Variants in LPP observed in about 807,000 individuals in gnomAD.
LPP encodes lipoma-preferred partner.
Under a neutral mutation model 60.4 loss-of-function variants are expected in LPP, and 38 were observed. The observed-to-expected ratio is 0.63, with a 90% CI of 0.49 to 0.83. The LOEUF (loss-of-function observed/expected upper bound fraction) is 0.83. LPP is among the 40% of genes least tolerant of loss of function. The probability of loss-of-function intolerance (pLI) is 0.00; values close to 1 mark genes in which losing one functional copy is unlikely to be tolerated. For synonymous variants in LPP, 328 were observed against 290.8 expected, an observed-to-expected ratio of 1.13 and a Z score of -1.30; for missense variants, 902 against 783.6, an observed-to-expected ratio of 1.15 and a Z score of -1.80.
At chr3:188,409,068 G>A (rs903683728) in intron 4 of LPP, among the ~76,000 whole-genome samples, 3 of 152,204 alleles carry the variant, frequency 2.0e-5, no homozygotes, top group South Asian at 4.1e-4. Context: ...ATGGTCAAAT[G>A]TATGTCTGTG....
intron 7 of LPP, among the ~76,000 whole-genome samples, chr3:188,701,713 G>A (rs1023264460): frequency 2.6e-5 from 4 of 151,514 alleles, no homozygotes; most frequent in African/African-American, 7.3e-5. Context: ...AAGCATATTA[G>A]CCACTAAATT....
intron 2 of LPP, among the ~76,000 whole-genome samples, chr3:188,266,320 C>G (rs1416779736): frequency 1.3e-5 from 2 of 152,168 alleles, no homozygotes; most frequent in Non-Finnish European, 2.9e-5. Flanking sequence ...TAGTTGAACG[C>G]ACAGAACTTG....
intron 3 of LPP, among the ~76,000 whole-genome samples, chr3:188,396,043 C>T (rs1223169674): frequency 6.6e-6 from 1 of 152,148 alleles, no homozygotes; most frequent in African/African-American, 2.4e-5. Flanking sequence ...ACACAGTTGA[C>T]AGTTTTGTGA....
At chr3:188,766,105 C>T (rs540194873) in intron 9 of LPP, among the ~76,000 whole-genome samples, 28 of 151,932 alleles carry the variant, frequency 1.8e-4, no homozygotes, top group Admixed American at 1.6e-3. Flanking sequence ...CTCCTGACCT[C>T]AGGTTATCCA....
At chr3:188,331,294 T>C (rs980766176) in intron 2 of LPP, among the ~76,000 whole-genome samples, 5 of 152,272 alleles carry the variant, frequency 3.3e-5, no homozygotes, top group African/African-American at 7.2e-5. Flanking sequence ...AAACCCAGAA[T>C]TGCAATGTCC....
chr3:188,212,380 A>G (rs1242422449), intron 1 of LPP, among the ~76,000 whole-genome samples: 1 of 152,158 alleles, frequency 6.6e-6, no homozygotes, highest in African/African-American at 2.4e-5. Context: ...TTCCTGGAAT[A>G]GGACAGTGTA....
intron 5 of LPP, among the ~76,000 whole-genome samples, chr3:188,523,694 T>C (rs547116565): frequency 3.3e-5 from 5 of 152,242 alleles, no homozygotes; most frequent in Non-Finnish European, 5.9e-5. Flanking sequence ...TTTACGTCCT[T>C]AGACAAGTCC....
intron 9 of LPP, among the ~76,000 whole-genome samples, chr3:188,858,267 G>C (rs1330456470): frequency 6.6e-6 from 1 of 152,112 alleles, no homozygotes; most frequent in Non-Finnish European, 1.5e-5. Flanking sequence ...CATAGTCTTA[G>C]TCTTCTCTGA....
intron 5 of LPP, among the ~76,000 whole-genome samples, chr3:188,513,067 C>T (rs1039296430): frequency 8.5e-5 from 13 of 152,064 alleles, no homozygotes; most frequent in Admixed American, 8.5e-4. Context: ...TTCTGTCTAC[C>T]AATTTTATTA....
At chr3:188,617,901 T>TA (rs1845152492) in intron 7 of LPP, among the ~76,000 whole-genome samples, 1 of 152,216 alleles carries the variant, frequency 6.6e-6, no homozygotes, top group Non-Finnish European at 1.5e-5. Context: ...GACATATTGA[T>TA]ATATTCCTTT....
intron 4 of LPP, among the ~76,000 whole-genome samples, chr3:188,407,191 T>A (rs1229195054): frequency 1.5e-5 from 2 of 135,120 alleles, no homozygotes; most frequent in Non-Finnish European, 3.5e-5. Context: ...ATTAAAAAAA[T>A]TATTAATATC....
chr3:188,169,606 A>G (rs1325476720), intron 1 of LPP, among the ~76,000 whole-genome samples: 4 of 152,200 alleles, frequency 2.6e-5, no homozygotes, highest in Non-Finnish European at 5.9e-5. Flanking sequence ...TATCTTTACC[A>G]TGGGATTTTG....
chr3:188,369,383 T>C (rs967458692), intron 3 of LPP, among the ~76,000 whole-genome samples: 1 of 152,092 alleles, frequency 6.6e-6, no homozygotes, highest in African/African-American at 2.4e-5. Context: ...ATATGGGTTC[T>C]AAGCTGCACC....
At chr3:188,789,383 GC>G (rs1742972889) in intron 9 of LPP, among the ~76,000 whole-genome samples, 2 of 152,184 alleles carry the variant, frequency 1.3e-5, no homozygotes, top group African/African-American at 4.8e-5. Context: ...CAGGGGGCTG[GC>G]CTTGAGCAGC....
At chr3:188,281,789 A>T (rs1742168982) in intron 2 of LPP, among the ~76,000 whole-genome samples, 3 of 152,100 alleles carry the variant, frequency 2.0e-5, no homozygotes, top group Non-Finnish European at 4.4e-5. Flanking sequence ...TCACATTTAT[A>T]TACCTGTAAA....
At chr3:188,406,993 T>C (rs1347844314) in intron 4 of LPP, among the ~76,000 whole-genome samples, 3 of 152,076 alleles carry the variant, frequency 2.0e-5, no homozygotes, top group Non-Finnish European at 4.4e-5. Context: ...GTATAAATGG[T>C]ACCATACTCT....
intron 3 of LPP, among the ~76,000 whole-genome samples, chr3:188,390,523 G>C (rs1779439750): frequency 6.6e-6 from 1 of 151,580 alleles, no homozygotes; most frequent in Admixed American, 6.6e-5. Flanking sequence ...TTACAGGTGA[G>C]GAAATTAAGG....
chr3:188,207,080 T>C (rs1733442030), intron 1 of LPP, among the ~76,000 whole-genome samples: 1 of 152,180 alleles, frequency 6.6e-6, no homozygotes, highest in South Asian at 2.1e-4. Flanking sequence ...TATTTATTTT[T>C]CACTCTGCTT....
intron 3 of LPP, among the ~76,000 whole-genome samples, chr3:188,372,855 A>G (rs567940757): frequency 6.7e-6 from 1 of 149,026 alleles, no homozygotes; most frequent in African/African-American, 2.5e-5. Flanking sequence ...TATCCCTCCC[A>G]CCTCCCCTAA....
Sources: allele counts gnomAD v4.1 joint callset (sites outside exome capture counted in the v4.1 genomes callset), GRCh38; gene constraint gnomAD v4.1.1; transcripts MANE v1.5; gene names NCBI Gene and HGNC (gene_info 2026-07-23, HGNC 2026-07-21).